The following CPVL variants were observed in gnomAD, a reference collection of about 807,000 sequenced individuals.
The protein encoded by CPVL is probable serine carboxypeptidase CPVL.
A neutral mutation model predicts 63.7 loss-of-function variants in CPVL; 51 were observed. The ratio of observed to expected loss-of-function variants is 0.80; its 90% CI spans 0.64 to 1.01. CPVL has a LOEUF of 1.01. Ranked by LOEUF, CPVL falls within the 50% of genes least tolerant of loss-of-function variation. The pLI is 0.00. For missense variants in CPVL, 530 were observed against 573.1 expected (o/e 0.92, Z 0.77); for synonymous variants, 195 against 206.0 (o/e 0.95, Z 0.46).
intron 1 of CPVL, among the ~76,000 whole-genome samples, chr7:29,135,556 A>C (rs1362330486): frequency 6.6e-6 from 1 of 151,900 alleles, no homozygotes; most frequent in African/African-American, 2.4e-5. Flanking sequence ...CTGGTCTCGA[A>C]CTCCTGACCT....
chr7:29,182,545 C>T (rs1798193354), intron 4 of CPVL, among the ~76,000 whole-genome samples: 1 of 152,188 alleles, frequency 6.6e-6, no homozygotes, highest in African/African-American at 2.4e-5. Flanking sequence ...CACGTTAAGC[C>T]TCCTAGAGTA....
At chr7:28,998,209 C>T (rs1436935154) in intron 12 of CPVL, among the ~76,000 whole-genome samples, 1 of 152,210 alleles carries the variant, frequency 6.6e-6, no homozygotes, top group African/African-American at 2.4e-5. Context: ...TGTGCAGCTT[C>T]AGCTCAGCTG....
At chr7:29,078,657 G>A in intron 7 of CPVL, among the ~76,000 whole-genome samples, 1 of 149,542 alleles carries the variant, frequency 6.7e-6, no homozygotes, top group African/African-American at 2.4e-5. Context: ...TCTCTATGCT[G>A]CCTGCTCCAG....
At position 29,124,501 on chromosome 7, in the gene CPVL, CTTAAATA is replaced by C. The variant is rs1184939219; in HGVS notation, c.-10-3437_-10-3431del. Among the ~76,000 whole-genome samples, 4 of 152,022 alleles carry C rather than the reference CTTAAATA, an allele frequency of 2.6e-5. No individual in the cohort carries two copies. In the South Asian group the frequency reaches 6.2e-4, roughly 24 times the overall value. On this transcript the variant is annotated intron_variant, in intron 1 of 12. Coordinates refer to ENST00000265394, the MANE Select transcript of CPVL (RefSeq NM_031311.5). ...ATTTGCTAAAATTGTCTTACTAAAC[CTTAAATA>C]TTAAAGTTGAAAATCATGTGTCCAA...
chr7:29,110,461 G>A (rs1788129958), intron 3 of CPVL, among the ~76,000 whole-genome samples: 1 of 152,300 alleles, frequency 6.6e-6, no homozygotes, highest in African/African-American at 2.4e-5. Flanking sequence ...AGAGGGTAGT[G>A]GCCCATAGGC....
rs201412919 is a variant in CPVL at position 29,092,631 on chromosome 7, A to C, written c.534T>G (p.Asp178Glu). The C allele has an allele frequency of 2.3e-5, 37 of 1,612,446 alleles. No individual in the cohort carries two copies. The highest frequency in any genetic ancestry group is 3.1e-5 in the Non-Finnish European group (36 of 1,178,556). ...YAVNEDDVAR[D>E]LYSALIQFFQ... ...AAGCAGGAGCATTTTACCTGTATAA[A>C]TCCCGTGCTACATCGTCCTCATTGA... The change falls in exon 6 of 13, where the codon GAT becomes GAG. Residue 178 changes from aspartate to glutamate, a missense_variant. By Grantham distance (45) the Asp-to-Glu change is conservative. Coordinates refer to ENST00000265394, the MANE Select transcript of CPVL (RefSeq NM_031311.5).
chr7:29,058,851 C>T (rs1791001761), intron 11 of CPVL, among the ~76,000 whole-genome samples: 1 of 151,880 alleles, frequency 6.6e-6, no homozygotes, highest in Admixed American at 6.6e-5. Flanking sequence ...TTTTTTGAAG[C>T]TTCCATATGA....
chr7:29,176,825 G>A (rs953755565), intron 5 of CPVL, among the ~76,000 whole-genome samples: 19 of 152,186 alleles, frequency 1.2e-4, no homozygotes, highest in Non-Finnish European at 1.5e-5. Flanking sequence ...AGCCAGGAAG[G>A]AAAGGGAAAG....
At chr7:29,149,812 C>G (rs1793343366), upstream of CPVL, among the ~76,000 whole-genome samples, 1 of 152,162 alleles carries the variant, frequency 6.6e-6, no homozygotes, top group Non-Finnish European at 1.5e-5. Context: ...CTCTCTGTGT[C>G]TTTTCACAGT....
intron 12 of CPVL, among the ~76,000 whole-genome samples, chr7:29,007,723 A>G (rs1352780094): frequency 1.3e-5 from 2 of 150,998 alleles, no homozygotes; most frequent in South Asian, 2.1e-4. Context: ...GTGAACAATC[A>G]TGACACTCCT....
intron 1 of CPVL, among the ~76,000 whole-genome samples, chr7:29,187,693 A>T (rs1009859815): frequency 6.6e-6 from 1 of 152,216 alleles, no homozygotes; most frequent in Admixed American, 6.5e-5. Flanking sequence ...GCACCATTGC[A>T]CTCCAGCCTG....
At chr7:29,012,116 G>A (rs1177993199) in intron 12 of CPVL, 2 of 152,116 alleles carry the variant, frequency 1.3e-5, no homozygotes, top group Non-Finnish European at 2.9e-5. Flanking sequence ...ATAGCCTAAT[G>A]AGTAACTAAT....
intron 3 of CPVL, among the ~76,000 whole-genome samples, chr7:29,097,279 T>C (rs1786535284): frequency 6.6e-6 from 1 of 152,266 alleles, no homozygotes; most frequent in Admixed American, 6.5e-5. Flanking sequence ...GTGTATTTAT[T>C]GAGCACCCAT....
chr7:29,092,359 T>C (rs1183836577), intron 6 of CPVL, among the ~76,000 whole-genome samples: 1 of 152,146 alleles, frequency 6.6e-6, no homozygotes, highest in African/African-American at 2.4e-5. Context: ...TGAAAAGATG[T>C]TGTCTCCCTG....
chr7:29,108,111 G>C (rs565609187), intron 3 of CPVL, among the ~76,000 whole-genome samples: 3 of 152,162 alleles, frequency 2.0e-5, no homozygotes, highest in Admixed American at 6.5e-5. Flanking sequence ...AGCACCTCAC[G>C]GGCCTCAGCA....
At chr7:29,047,344 C>T (rs1012390598) in intron 11 of CPVL, among the ~76,000 whole-genome samples, 11 of 152,064 alleles carry the variant, frequency 7.2e-5, no homozygotes, top group African/African-American at 2.7e-4. Flanking sequence ...AAAGAAAAAA[C>T]ATCAAAACTT....
intron 1 of CPVL, among the ~76,000 whole-genome samples, chr7:29,139,038 T>C (rs140360670): frequency 2.6e-5 from 4 of 152,114 alleles, no homozygotes; most frequent in Non-Finnish European, 5.9e-5. Context: ...TCAACTTCCA[T>C]CCCACTTGAA....
chr7:29,009,617 A>G (rs920345207), intron 12 of CPVL: 7 of 152,258 alleles, frequency 4.6e-5, no homozygotes, highest in African/African-American at 1.7e-4. Flanking sequence ...ACAGCGTTGA[A>G]TAGCAAAAGT....
intron 9 of CPVL, among the ~76,000 whole-genome samples, chr7:29,068,168 C>G (rs937694173): frequency 6.6e-6 from 1 of 151,824 alleles, no homozygotes; most frequent in African/African-American, 2.4e-5. Context: ...CCACGCCCAG[C>G]TAATTTTTTT....
Sources: gnomAD v4.1 joint callset for allele counts (sites outside exome capture counted in the v4.1 genomes callset) on GRCh38, gnomAD v4.1.1 for gene constraint, MANE v1.5 for transcripts, NCBI Gene and HGNC (gene_info 2026-07-23, HGNC 2026-07-21) for gene names.